The following HUWE1 variants were observed in gnomAD, a reference collection of about 807,000 sequenced individuals.
HUWE1 encodes HECT, UBA and WWE domain containing E3 ubiquitin protein ligase 1, also known as E3 ubiquitin-protein ligase HUWE1.
A neutral mutation model predicts 299.4 loss-of-function variants in HUWE1; 18 were observed. That is an observed-to-expected ratio of 0.06 (90% CI 0.04 to 0.09). The LOEUF (loss-of-function observed/expected upper bound fraction) is 0.09. Among genes scored for constraint, HUWE1 ranks in the 10% least tolerant of loss-of-function variants. The pLI is 1.00. For missense variants in HUWE1, 1,832 were observed against 3,462.3 expected (o/e 0.53, Z 11.82); for synonymous variants, 1,317 against 1,286.1 (o/e 1.02, Z -0.51).
rs141567766 is a variant in HUWE1, at chrX:53,632,626, C to T, written c.568-62G>A. 2,674 of 833,212 alleles carry T rather than the reference C, an allele frequency of 3.2e-3. 49 individuals are homozygous for T. The African/African-American group carries it at 0.048, about 15-fold the overall frequency. 68.7% of individuals were successfully genotyped at this position (833,212 alleles called of 1,213,427 possible). A position where few individuals can be genotyped will look rare whatever the true frequency, so the allele number is the denominator to read the frequency against. On this transcript the variant is annotated intron_variant, in intron 8 of 83. Coordinates refer to ENST00000262854, the MANE Select transcript of HUWE1 (RefSeq NM_031407.7). ...TTTCAACTGATTATAAACATTATCC[C>T]CCACATCTTCCCTCAAAGTCCTAGC... is the stretch of plus-strand genomic sequence containing the variant.
intron 22 of HUWE1, 123 bp from the exon 23 acceptor site, chrX:53,614,868 T>C (rs2065704769): frequency 2.0e-6 from 1 of 503,510 alleles, no homozygotes; most frequent in East Asian, 3.6e-5. Context: ...GTATACATGT[T>C]ATATACATAA....
chrX:53,623,591 C>A (rs1168379727), intron 19 of HUWE1, among the ~76,000 whole-genome samples: 1 of 111,490 alleles, frequency 9.0e-6, no homozygotes, highest in Admixed American at 9.5e-5. Context: ...AGCAAAGAGG[C>A]CCATTCTTAT....
At chrX:53,615,865 A>G (rs1327266336) in intron 21 of HUWE1, 30 bp from the exon 22 acceptor site, 2 of 1,040,882 alleles carry the variant, frequency 1.9e-6, no homozygotes, top group Non-Finnish European at 2.7e-6. Flanking sequence ...TGTTAGAATT[A>G]GAAAGACTGA....
intron 3 of HUWE1, among the ~76,000 whole-genome samples, chrX:53,661,035 T>A (rs1366114336): frequency 1.1e-5 from 1 of 88,913 alleles, no homozygotes; most frequent in Non-Finnish European, 2.1e-5. Context: ...TGCGATTCAC[T>A]TTTTTTTTTT....
chrX:53,560,136 G>C, intron 56 of HUWE1, 52 bp downstream of exon 56: 1 of 1,026,586 alleles, frequency 9.7e-7, no homozygotes, highest in Non-Finnish European at 1.3e-6. Context: ...CTAAAGCACA[G>C]TGAAAATTCT....
At position 53,548,068 on chromosome X, in the gene HUWE1, C is replaced by T; in HGVS notation, c.10241G>A (p.Ser3414Asn). Residue 3414 changes from serine to asparagine, a missense_variant, in exon 68 of 84, where the codon AGC (serine) becomes AAC (asparagine). By Grantham distance (46) the Ser-to-Asn change is conservative (BLOSUM62 1). Around this residue, in one of 15 missense-constraint regions of HUWE1, gnomAD observed 119 missense variants for 124.6 expected, o/e 0.96. Transcript: ENST00000262854. The stretch of plus-strand genomic sequence containing the variant: ...AGAGGTTTCCCCCTCACCGCCAGCG[C>T]TCACTGGCACTGACTTCACGGAGTT... Reference protein sequence around the residue: ...GKNSVKSVPVSAGGEGETSPY... With the variant: ...GKNSVKSVPVNAGGEGETSPY... The T allele has an allele frequency of 8.3e-7, 1 of 1,209,399 alleles. No homozygotes were observed. Among genetic ancestry groups the T allele is most frequent in the Non-Finnish European group, 1.1e-6 (1 of 894,129 alleles).
At chrX:53,636,143 T>C (rs1269753752) in intron 7 of HUWE1, among the ~76,000 whole-genome samples, 1 of 112,231 alleles carries the variant, frequency 8.9e-6, no homozygotes, top group African/African-American at 3.2e-5. Flanking sequence ...CTTACTTCTC[T>C]AGTGAAAACC....
At chrX:53,650,338 C>T (rs782316193) in intron 4 of HUWE1, among the ~76,000 whole-genome samples, 1 of 112,119 alleles carries the variant, frequency 8.9e-6, no homozygotes, top group African/African-American at 3.2e-5. Context: ...CCCAATATTT[C>T]CCAAACCCTG....
chrX:53,533,604 C>A (rs1417894331), intron 83 of HUWE1, 193 bp from the exon 84 acceptor site: 2 of 464,874 alleles, frequency 4.3e-6, no homozygotes, highest in Admixed American at 3.4e-5. Flanking sequence ...GCACCAAAAC[C>A]AAAAATCTGA....
At chrX:53,685,202 A>AT (rs1267234119) in intron 2 of HUWE1, among the ~76,000 whole-genome samples, 42 of 111,511 alleles carry the variant, frequency 3.8e-4, no homozygotes, top group Non-Finnish European at 6.8e-4. Context: ...GTTTTAAAAT[A>AT]TTTTTTTTCA....
intron 7 of HUWE1, among the ~76,000 whole-genome samples, chrX:53,639,339 T>G (rs1557028822): frequency 8.9e-6 from 1 of 112,058 alleles, no homozygotes; most frequent in African/African-American, 3.2e-5. Flanking sequence ...AATATCATAT[T>G]AAATGTATCA....
chrX:53,676,356 A>T (rs1164713538), intron 3 of HUWE1, among the ~76,000 whole-genome samples: 1 of 111,351 alleles, frequency 9.0e-6, no homozygotes, highest in Non-Finnish European at 1.9e-5. Flanking sequence ...CCAGGCCCCA[A>T]ATCCGGAACT....
chrX:53,597,401 C>G (rs1399482498), intron 29 of HUWE1, among the ~76,000 whole-genome samples: 2 of 102,750 alleles, frequency 1.9e-5, no homozygotes, highest in Non-Finnish European at 4.0e-5. Flanking sequence ...GGATTTAAGG[C>G]AGGAAGGGAC....
intron 3 of HUWE1, among the ~76,000 whole-genome samples, chrX:53,678,299 C>T (rs1430131119): frequency 8.9e-6 from 1 of 112,069 alleles, no homozygotes; most frequent in Non-Finnish European, 1.9e-5. Context: ...ATCCAGAAGA[C>T]CAAGCTGGTC....
chrX:53,577,103 T>C (rs868962479), intron 43 of HUWE1, 36 bp from the exon 44 acceptor site: 3 of 1,064,003 alleles, frequency 2.8e-6, no homozygotes, highest in Non-Finnish European at 3.9e-6. Context: ...CAGTCAATCA[T>C]GAAGCAGTAC....
At chrX:53,658,090 C>T (rs1325796198) in intron 3 of HUWE1, among the ~76,000 whole-genome samples, 4 of 96,899 alleles carry the variant, frequency 4.1e-5, no homozygotes, top group Admixed American at 1.1e-4. Flanking sequence ...ATACCAGCAA[C>T]GAACAAGCAG....
chrX:53,664,321 G>A (rs376661559), intron 3 of HUWE1, among the ~76,000 whole-genome samples: 93 of 112,338 alleles, frequency 8.3e-4, no homozygotes, highest in African/African-American at 2.9e-3. Flanking sequence ...CCAAAGTGCT[G>A]AGATTACAGG....
At chrX:53,673,059 T>C (rs915667828) in intron 3 of HUWE1, among the ~76,000 whole-genome samples, 1 of 112,308 alleles carries the variant, frequency 8.9e-6, no homozygotes, top group Non-Finnish European at 1.9e-5. Flanking sequence ...AAAAGTTCTA[T>C]TCCCAAAGCA....
At position 53,604,695 on chromosome X, in the gene HUWE1, T is replaced by C. The variant is rs781828206; in HGVS notation, c.2636A>G (p.Asn879Ser). The C allele has an allele frequency of 4.3e-5, 52 of 1,210,077 alleles. No homozygotes were observed. The highest frequency in any genetic ancestry group is 2.3e-4 in the Middle Eastern group (1 of 4,374). Residue 879 changes from asparagine (N) to serine (S), a missense_variant, in exon 26 of 84, where the codon AAT (asparagine) becomes AGT (serine). By Grantham distance (46) the Asn-to-Ser change is conservative (BLOSUM62 1). Coordinates refer to ENST00000262854, the MANE Select transcript of HUWE1 (RefSeq NM_031407.7). ...GGCTGAGAGGGTAGCATCAGCAACA[T>C]TGCCTGCGCAAGCCAGTTCTCGCAA... ...VLLRELACAGNVADATLSAQA... is the reference protein window; with the variant it reads ...VLLRELACAGSVADATLSAQA...
Sources: allele counts gnomAD v4.1 joint callset (sites outside exome capture counted in the v4.1 genomes callset), GRCh38; gene constraint gnomAD v4.1.1; regional missense constraint gnomAD v4.1.1; transcripts MANE v1.5; gene names NCBI Gene and HGNC (gene_info 2026-07-23, HGNC 2026-07-21).